The following ESF1 variants were observed in gnomAD, a reference collection of about 807,000 sequenced individuals.
ESF1 encodes the protein ESF1 homolog.
Under a neutral mutation model 92.0 loss-of-function variants are expected in ESF1, and 58 were observed. The observed-to-expected ratio is 0.63, with a 90% CI of 0.51 to 0.78. The LOEUF is 0.78. Among genes scored for constraint, ESF1 ranks in the 30% least tolerant of loss-of-function variants. ESF1 has a pLI of 0.00. For missense variants in ESF1, 922 were observed against 989.1 expected, an observed-to-expected ratio of 0.93 and a Z score of 0.91; for synonymous variants, 321 against 313.7, an observed-to-expected ratio of 1.02 and a Z score of -0.24.
intron 10 of ESF1, among the ~76,000 whole-genome samples, chr20:13,730,902 A>C (rs950600101): frequency 6.6e-6 from 1 of 152,084 alleles, no homozygotes; most frequent in African/African-American, 2.4e-5. Flanking sequence ...ATCAAAATTG[A>C]AACCACTGAG....
chr20:13,757,661 C>T lies in ESF1; in HGVS notation c.1828+2031G>A, dbSNP rs556685763. On this transcript the variant is annotated intron_variant, in intron 9 of 13. Coordinates refer to ENST00000617257, the MANE Select transcript of ESF1 (RefSeq NM_001276380.2). ...TCAAGTAATCCACCCACCTTGGCCT[C>T]TGAAAGTGTTGGGATTACAGGTGTG... Among the ~76,000 whole-genome samples the T allele has an allele frequency of 4.7e-4, 72 of 152,238 alleles. No individual in the cohort carries two copies. In the South Asian group the frequency reaches 0.011, roughly 23 times the overall value.
intron 10 of ESF1, among the ~76,000 whole-genome samples, chr20:13,732,717 C>T (rs1452464636): frequency 3.3e-5 from 5 of 152,064 alleles, no homozygotes; most frequent in East Asian, 1.9e-4. Flanking sequence ...TCAGTAATAA[C>T]GCTCTAAGGC....
intron 9 of ESF1, among the ~76,000 whole-genome samples, chr20:13,736,268 G>GT (rs1469630379): frequency 6.6e-6 from 1 of 152,058 alleles, no homozygotes; most frequent in Non-Finnish European, 1.5e-5. Context: ...AACTCCAGGT[G>GT]TAATAATAAA....
At chr20:13,774,807 TTA>T (rs1379319578) in intron 4 of ESF1, among the ~76,000 whole-genome samples, 1 of 152,180 alleles carries the variant, frequency 6.6e-6, no homozygotes, top group Non-Finnish European at 1.5e-5. Flanking sequence ...TCCAAGAACT[TTA>T]TGTGGTTTTG....
chr20:13,720,509 T>C lies in ESF1; in HGVS notation c.2039-1525A>G, dbSNP rs550641122. On this transcript the variant is annotated intron_variant, in intron 11 of 13. Transcript: ENST00000617257. ...TCTAACTTCCAGTTTATGGAAAATA[T>C]AGTGGACCGAGTGGCAAGGAACAGA... 3.3e-5 allele frequency among the ~76,000 whole-genome samples: 5 copies of C among 152,270 alleles called. No individual in the cohort carries two copies. In the South Asian group the frequency reaches 6.2e-4, roughly 19 times the overall value.
intron 2 of ESF1, 42 bp from the exon 3 acceptor site, chr20:13,776,312 TGC>T: frequency 6.5e-7 from 1 of 1,541,636 alleles, no homozygotes; most frequent in Non-Finnish European, 8.7e-7. Flanking sequence ...AAAAGATATA[TGC>T]TGAATTAAAC....
chr20:13,757,415 T>C (rs1028420402), intron 9 of ESF1, among the ~76,000 whole-genome samples: 2 of 152,164 alleles, frequency 1.3e-5, no homozygotes, highest in African/African-American at 4.8e-5. Context: ...TTTGTTTGTT[T>C]GAGACAGGGT....
intron 9 of ESF1, among the ~76,000 whole-genome samples, chr20:13,749,700 G>A (rs912405462): frequency 4.6e-5 from 7 of 151,916 alleles, no homozygotes; most frequent in African/African-American, 9.7e-5. Context: ...CAAGTAGCTC[G>A]GACTACAGGC....
intron 11 of ESF1, among the ~76,000 whole-genome samples, chr20:13,722,525 T>C (rs2049874615): frequency 1.3e-5 from 2 of 152,184 alleles, no homozygotes; most frequent in South Asian, 4.1e-4. Flanking sequence ...ATATTGTCTT[T>C]ATTTTTCAGT....
chr20:13,768,057 A>G (rs1373237004), intron 7 of ESF1, among the ~76,000 whole-genome samples: 1 of 152,206 alleles, frequency 6.6e-6, no homozygotes, highest in African/African-American at 2.4e-5. Context: ...CCTGATCATT[A>G]TGTTGGTTCT....
At chr20:13,761,224 C>T (rs912137701) in intron 8 of ESF1, among the ~76,000 whole-genome samples, 9 of 152,030 alleles carry the variant, frequency 5.9e-5, no homozygotes, top group African/African-American at 9.7e-5. Flanking sequence ...ATCTCAAGTA[C>T]CCAGGGACAC....
At chr20:13,761,532 G>A (rs535062703) in intron 8 of ESF1, among the ~76,000 whole-genome samples, 14 of 152,078 alleles carry the variant, frequency 9.2e-5, no homozygotes, top group African/African-American at 3.1e-4. Context: ...GGATGAATTC[G>A]GTTTGCAGCT....
At chr20:13,747,972 T>G (rs1978357462) in intron 9 of ESF1, among the ~76,000 whole-genome samples, 1 of 152,172 alleles carries the variant, frequency 6.6e-6, no homozygotes, top group Non-Finnish European at 1.5e-5. Context: ...TGTAACACAA[T>G]AGTAGTATTT....
At chr20:13,748,679 G>A (rs1369264190) in intron 9 of ESF1, among the ~76,000 whole-genome samples, 1 of 148,238 alleles carries the variant, frequency 6.7e-6, no homozygotes, top group African/African-American at 2.5e-5. Flanking sequence ...CCTCCACTCC[G>A]AGGTTCACGC....
intron 9 of ESF1, among the ~76,000 whole-genome samples, chr20:13,749,198 T>C (rs1000631523): frequency 3.3e-5 from 5 of 151,564 alleles, no homozygotes; most frequent in African/African-American, 7.3e-5. Flanking sequence ...CCCGAGTAGC[T>C]TGGATTACAG....
chr20:13,718,991 C>A lies in ESF1; in HGVS notation c.2039-7G>T, dbSNP rs753847215. ...ACCGATTTTTTATTTATACCTGGCA[C>A]AACAAACCAACATAAGAGTGGTAAA... On this transcript the variant is annotated splice_region_variant and splice_polypyrimidine_tract_variant and intron_variant, in intron 11 of 13. Coordinates refer to ENST00000617257, the MANE Select transcript of ESF1 (RefSeq NM_001276380.2). The A allele has an allele frequency of 9.4e-6, 15 of 1,593,458 alleles. No individual in the cohort carries two copies. In the African/African-American group the frequency reaches 1.3e-4, roughly 14 times the overall value.
chr20:13,769,641 C>A (rs1015294583), intron 7 of ESF1, among the ~76,000 whole-genome samples: 2 of 152,088 alleles, frequency 1.3e-5, no homozygotes, highest in African/African-American at 4.8e-5. Flanking sequence ...CAAAAATTAG[C>A]CAGGTGTAGT....
chr20:13,717,687 T>C (rs2049839401), intron 12 of ESF1, among the ~76,000 whole-genome samples, 173 bp from the exon 13 acceptor site: 1 of 152,150 alleles, frequency 6.6e-6, no homozygotes, highest in African/African-American at 2.4e-5. Flanking sequence ...AAAGAGATCT[T>C]TGTATAGCAA....
At position 13,715,117 on chromosome 20, in the gene ESF1, G is replaced by C. The variant is rs1336837410; in HGVS notation, c.2313C>G (p.Phe771Leu). 2 of 1,611,966 alleles carry C rather than the reference G, an allele frequency of 1.2e-6. No individual in the cohort carries two copies. Among genetic ancestry groups the C allele is most frequent in the South Asian group, 2.2e-5 (2 of 90,936 alleles). Residue 771 changes from phenylalanine (F) to leucine (L), a missense_variant, in exon 14 of 14, where the codon TTC becomes TTG. Coordinates refer to ENST00000617257, the MANE Select transcript of ESF1 (RefSeq NM_001276380.2). ...RFQAMYTSHL[F>L]NLDPSDPNFK... ...AATTGGGATCTGAGGGGTCCAAATT[G>C]AACAAGTGGGAAGTGTACATTGCCT...
Sources: gnomAD v4.1 joint callset for allele counts (sites outside exome capture counted in the v4.1 genomes callset) on GRCh38, gnomAD v4.1.1 for gene constraint, MANE v1.5 for transcripts, NCBI Gene and HGNC (gene_info 2026-07-23, HGNC 2026-07-21) for gene names.